The following KAZN variants were observed in gnomAD, a reference collection of about 807,000 sequenced individuals.
The protein encoded by KAZN is kazrin, periplakin interacting protein, also known as kazrin.
In KAZN, 40 loss-of-function variants were observed where a neutral mutation model predicts 87.4. That is an observed-to-expected ratio of 0.46 (90% confidence interval 0.36 to 0.60). The LOEUF is 0.60. Among genes scored for constraint, KAZN ranks in the 20% least tolerant of loss-of-function variants. KAZN has a pLI of 0.00. For synonymous variants in KAZN, 466 were observed against 458.3 expected, an observed-to-expected ratio of 1.02 and a Z score of -0.22; for missense variants, 898 against 1,073.9, an observed-to-expected ratio of 0.84 and a Z score of 2.29.
intron 1 of KAZN, among the ~76,000 whole-genome samples, chr1:14,951,083 A>G (rs1371514844): frequency 6.6e-6 from 1 of 152,230 alleles, no homozygotes; most frequent in Non-Finnish European, 1.5e-5. Flanking sequence ...GATTTCAGTC[A>G]ATCTCAACAC....
chr1:13,965,913 A>G (rs996529559), intron 1 of KAZN, among the ~76,000 whole-genome samples: 3 of 152,136 alleles, frequency 2.0e-5, no homozygotes, highest in Non-Finnish European at 4.4e-5. Flanking sequence ...TTTCCTGCCA[A>G]GCTGAACGTC....
intron 2 of KAZN, among the ~76,000 whole-genome samples, chr1:14,215,420 G>A (rs1171431188): frequency 1.3e-5 from 2 of 152,172 alleles, no homozygotes; most frequent in African/African-American, 2.4e-5. Context: ...AGGGCCTGCT[G>A]CTCTAGACCT....
chr1:14,962,746 C>T (rs1289781390), intron 2 of KAZN, among the ~76,000 whole-genome samples: 1 of 152,180 alleles, frequency 6.6e-6, no homozygotes, highest in Non-Finnish European at 1.5e-5. Context: ...CCAACCTCCA[C>T]GTCTTTGACC....
At chr1:14,590,763 C>G (rs1676146154) in intron 2 of KAZN, among the ~76,000 whole-genome samples, 1 of 152,224 alleles carries the variant, frequency 6.6e-6, no homozygotes, top group Non-Finnish European at 1.5e-5. Flanking sequence ...GACACTCTTC[C>G]AGATGGTTTC....
chr1:14,028,034 C>T (rs1279187692), intron 1 of KAZN, among the ~76,000 whole-genome samples: 1 of 152,210 alleles, frequency 6.6e-6, no homozygotes, highest in Non-Finnish European at 1.5e-5. Flanking sequence ...TTCCCAGAAT[C>T]TGCTCCTCAC....
intron 2 of KAZN, chr1:14,223,165 C>T (rs1159792211): frequency 1.3e-5 from 2 of 152,058 alleles, no homozygotes; most frequent in Non-Finnish European, 2.9e-5. Flanking sequence ...TCTGGATTGC[C>T]CAGGGAAGAG....
intron 2 of KAZN, among the ~76,000 whole-genome samples, chr1:14,414,968 G>A (rs1664628085): frequency 6.6e-6 from 1 of 152,198 alleles, no homozygotes; most frequent in Non-Finnish European, 1.5e-5. Flanking sequence ...AGAAGTTGTA[G>A]TGAGCCAAGA....
chr1:14,395,266 A>T (rs1428534291), intron 2 of KAZN, among the ~76,000 whole-genome samples: 1 of 152,182 alleles, frequency 6.6e-6, no homozygotes. Context: ...AACAAGAAAG[A>T]AGTCTGTGTT....
chr1:14,870,644 C>T (rs1432664111), intron 1 of KAZN, among the ~76,000 whole-genome samples: 1 of 152,142 alleles, frequency 6.6e-6, no homozygotes, highest in Non-Finnish European at 1.5e-5. Context: ...CCCGGTTTTC[C>T]TCATCTGTTA....
chr1:14,143,183 A>G (rs1645277023), intron 1 of KAZN, among the ~76,000 whole-genome samples: 2 of 152,144 alleles, frequency 1.3e-5, no homozygotes, highest in South Asian at 2.1e-4. Context: ...AGAAGAAAGC[A>G]TTGTTGCTCA....
intron 1 of KAZN, among the ~76,000 whole-genome samples, chr1:14,819,346 G>A (rs559907605): frequency 7.9e-5 from 12 of 152,132 alleles, no homozygotes; most frequent in African/African-American, 2.9e-4. Flanking sequence ...GGGCTGTGGG[G>A]CCCAGTTGTT....
At chr1:14,272,569 A>G (rs1407571026) in intron 2 of KAZN, among the ~76,000 whole-genome samples, 3 of 152,126 alleles carry the variant, frequency 2.0e-5, no homozygotes, top group South Asian at 2.1e-4. Context: ...ATAAAATTCA[A>G]CATTCTTGGC....
intron 1 of KAZN, among the ~76,000 whole-genome samples, chr1:14,077,221 T>C (rs531752326): frequency 6.6e-6 from 1 of 152,290 alleles, no homozygotes; most frequent in South Asian, 2.1e-4. Flanking sequence ...CAGGTGTTCG[T>C]TCTGCTATTG....
In KAZN at chr1:15,056,518, C is replaced by T. The variant is rs1467826942; in HGVS notation, c.916+238C>T. The stretch of plus-strand genomic sequence containing the variant: ...CGTCTCTCCATCTCTTAGCTCTGCC[C>T]ACCTCCTTTTGGCCTCATCTTCAGG... On this transcript the variant is annotated intron_variant, in intron 5 of 14. Coordinates refer to ENST00000376030, the MANE Select transcript of KAZN (RefSeq NM_201628.3). This position sits in a 1 kb window ranked among gnomAD's most constrained non-coding sequence, Gnocchi z 5.4. Among the ~76,000 whole-genome samples, 2 of 151,592 alleles carry T rather than the reference C, an allele frequency of 1.3e-5. No homozygotes were observed. Among genetic ancestry groups the T allele is most frequent in the South Asian group, 2.1e-4 (1 of 4,770 alleles).
chr1:14,103,955 C>A (rs1644314458), intron 1 of KAZN, among the ~76,000 whole-genome samples: 1 of 152,166 alleles, frequency 6.6e-6, no homozygotes, highest in African/African-American at 2.4e-5. Flanking sequence ...GGCAACATCT[C>A]TTTACTGTGC....
At chr1:14,647,986 A>G (rs12566144) in intron 1 of KAZN, among the ~76,000 whole-genome samples, 21,096 of 152,152 alleles carry the variant, frequency 0.14, 1,701 homozygotes, top group East Asian at 0.23. Context: ...CTGTTGCCCA[A>G]CTATCCCAGC....
chr1:14,075,411 A>G (rs1472587661), intron 1 of KAZN, among the ~76,000 whole-genome samples: 1 of 152,170 alleles, frequency 6.6e-6, no homozygotes, highest in Non-Finnish European at 1.5e-5. Context: ...AGAAGAGAAA[A>G]TGAATTTCTT....
At chr1:14,652,482 C>CCATCCATCCACCCACCCAA in intron 1 of KAZN, among the ~76,000 whole-genome samples, 1 of 41,488 alleles carries the variant, frequency 2.4e-5, no homozygotes, top group Non-Finnish European at 5.1e-5. Context: ...CACCCACCCG[C>CCATCCATCCACCCACCCAA]CCATCCACCT....
intron 2 of KAZN, among the ~76,000 whole-genome samples, chr1:14,974,692 T>C (rs750118862): frequency 3.9e-5 from 6 of 152,166 alleles, no homozygotes; most frequent in Admixed American, 6.5e-5. Context: ...TTCTACTGAG[T>C]GACAGAGTCC....
Sources: allele counts gnomAD v4.1 joint callset (sites outside exome capture counted in the v4.1 genomes callset), GRCh38; gene constraint gnomAD v4.1.1; non-coding constraint Gnocchi (gnomAD v3.1); transcripts MANE v1.5; gene names NCBI Gene and HGNC (gene_info 2026-07-23, HGNC 2026-07-21).